Variants in ACYP2 observed in about 807,000 individuals in gnomAD.
ACYP2 encodes acylphosphatase-2.
Under a neutral mutation model 11.2 loss-of-function variants are expected in ACYP2, and 12 were observed. That is an observed-to-expected ratio of 1.08 (90% CI 0.69 to 1.74). The LOEUF is 1.74. ACYP2 is among the 40% of genes most tolerant of loss of function. The pLI is 0.00. For synonymous variants in ACYP2, 43 were observed against 32.2 expected (o/e 1.33, Z -1.13); for missense variants, 134 against 101.9 (o/e 1.31, Z -1.35).
intron 6 of ACYP2, among the ~76,000 whole-genome samples, chr2:54,304,122 T>A (rs1689827015): frequency 6.6e-6 from 1 of 152,164 alleles, no homozygotes. Flanking sequence ...AGTATTTGAA[T>A]AGATAAAAGT....
intron 4 of ACYP2, among the ~76,000 whole-genome samples, chr2:54,058,878 T>TG (rs939900765): frequency 1.3e-5 from 2 of 152,108 alleles, no homozygotes; most frequent in Non-Finnish European, 2.9e-5. Flanking sequence ...ATGTTTATCT[T>TG]GGGGCAGACA....
chr2:54,121,756 TA>T (rs1251929532), intron 4 of ACYP2, among the ~76,000 whole-genome samples: 4 of 152,256 alleles, frequency 2.6e-5, no homozygotes, highest in Non-Finnish European at 5.9e-5. Flanking sequence ...TTTATCCTTT[TA>T]ATCATTCTGC....
chr2:54,115,553 C>T, intron 4 of ACYP2, 62 bp from the exon 1 acceptor site: 4 of 1,521,024 alleles, frequency 2.6e-6, no homozygotes, highest in Non-Finnish European at 2.6e-6. Flanking sequence ...GCTTCCGACG[C>T]GTGACCCCGG....
intron 4 of ACYP2, among the ~76,000 whole-genome samples, chr2:54,117,314 T>G (rs967308303): frequency 2.0e-5 from 3 of 152,202 alleles, no homozygotes; most frequent in Admixed American, 2.0e-4. Flanking sequence ...TTTTAAGAGA[T>G]GGAGTCTTGC....
At chr2:54,270,010 G>T (rs1394341042) in intron 6 of ACYP2, among the ~76,000 whole-genome samples, 1 of 151,894 alleles carries the variant, frequency 6.6e-6, no homozygotes. Context: ...ATTTATTTAG[G>T]CATCTAATTT....
intron 2 of ACYP2, among the ~76,000 whole-genome samples, chr2:54,012,997 C>T (rs1039946941): frequency 2.0e-5 from 3 of 152,118 alleles, no homozygotes; most frequent in African/African-American, 7.2e-5. Flanking sequence ...TGCCAAGATG[C>T]TCTTACCTCA....
chr2:54,123,895 C>G lies in ACYP2; in HGVS notation c.278-11558C>G, dbSNP rs180807780. ...CGGCTTACATTTCATTGGCCATCCCCACTATAAGGAAGTCTGGGAAACATC... is the reference window on the plus strand; with the variant it reads ...CGGCTTACATTTCATTGGCCATCCCGACTATAAGGAAGTCTGGGAAACATC... On this transcript the variant is annotated intron_variant, in intron 4 of 6. Transcript: ENST00000607452. Among the ~76,000 whole-genome samples the G allele has an allele frequency of 1.1e-3, 173 of 152,310 alleles. 1 individual carries two copies. Among genetic ancestry groups the G allele is most frequent in the African/African-American group, 3.8e-3 (158 of 41,574 alleles).
At position 54,211,055 on chromosome 2, in the gene ACYP2, G is replaced by A. The variant is rs367831188; in HGVS notation, c.404+72307G>A. Among the ~76,000 whole-genome samples the A allele has an allele frequency of 9.2e-5, 14 of 152,042 alleles. No homozygotes were observed. In the South Asian group the frequency reaches 1.7e-3, roughly 18 times the overall value. Reference sequence around the variant, plus strand: ...ACAGATTTCCCTGAAGTCAACTGATGTAAACTCAATTGTACATACAAACGA... The same window carrying A: ...ACAGATTTCCCTGAAGTCAACTGATATAAACTCAATTGTACATACAAACGA... On this transcript the variant is annotated intron_variant, in intron 6 of 6. Coordinates refer to ENST00000607452, the MANE Select transcript of ACYP2 (RefSeq NM_001320586.2).
intron 4 of ACYP2, among the ~76,000 whole-genome samples, chr2:54,131,401 G>T (rs186479234): frequency 3.0e-4 from 46 of 152,302 alleles, no homozygotes; most frequent in Non-Finnish European, 1.8e-4. Context: ...AATGTTGAAA[G>T]GACGTTGCTC....
chr2:54,176,602 A>G (rs1042844836), intron 6 of ACYP2, among the ~76,000 whole-genome samples: 23 of 152,314 alleles, frequency 1.5e-4, no homozygotes, highest in African/African-American at 5.3e-4. Context: ...CTTATGTGTA[A>G]TTCTATCACC....
At chr2:54,276,804 G>A (rs527527867) in intron 6 of ACYP2, among the ~76,000 whole-genome samples, 34 of 152,062 alleles carry the variant, frequency 2.2e-4, no homozygotes, top group African/African-American at 7.2e-4. Context: ...CTTATTTCAC[G>A]GGGTAACCAC....
intron 4 of ACYP2, among the ~76,000 whole-genome samples, chr2:54,071,963 A>C (rs947155459): frequency 6.6e-6 from 1 of 152,160 alleles, no homozygotes; most frequent in African/African-American, 2.4e-5. Context: ...GTGAGCTGAG[A>C]TCGCACCACT....
intron 6 of ACYP2, among the ~76,000 whole-genome samples, chr2:54,207,173 A>ATTTGTGTG (rs1685108257): frequency 7.2e-6 from 1 of 138,650 alleles, no homozygotes; most frequent in African/African-American, 2.7e-5. Context: ...CAACATGTAT[A>ATTTGTGTG]TGTGTGTGTG....
intron 6 of ACYP2, among the ~76,000 whole-genome samples, chr2:54,201,608 C>CTTTG (rs551511188): frequency 1.3e-4 from 10 of 79,858 alleles, no homozygotes; most frequent in African/African-American, 3.9e-4. Flanking sequence ...TTCTTTCTTT[C>CTTTG]TTTCTTTCTT....
chr2:54,111,593 C>T (rs1200338135), intron 4 of ACYP2, among the ~76,000 whole-genome samples: 1 of 152,230 alleles, frequency 6.6e-6, no homozygotes, highest in Non-Finnish European at 1.5e-5. Flanking sequence ...ATTAAAGCCT[C>T]TTCTGGGAAA....
chr2:54,147,339 A>G (rs555257858), intron 6 of ACYP2, among the ~76,000 whole-genome samples: 2 of 152,174 alleles, frequency 1.3e-5, no homozygotes, highest in South Asian at 4.1e-4. Flanking sequence ...GGGAACTGGC[A>G]TTTTTGTTAG....
rs139120897 is a variant in ACYP2, at chr2:54,138,701, C to T, written c.357C>T (p.Gly119=). 3.4e-5 allele frequency: 55 copies of T among 1,613,972 alleles called. No homozygotes were observed. The African/African-American group carries it at 5.2e-4, about 15-fold the overall frequency. ...GCTGGGTGAAGAATACCAGCAAAGG[C>T]ACCGTGACAGGCCAAGTGCAGGGGC... The change falls in exon 6 of 7, where the codon GGC becomes GGT. Residue 119 remains glycine, a synonymous_variant. Coordinates refer to ENST00000607452, the MANE Select transcript of ACYP2 (RefSeq NM_001320586.2).
chr2:54,019,609 T>TTTA (rs141725920), intron 2 of ACYP2, among the ~76,000 whole-genome samples: 28,900 of 148,484 alleles, frequency 0.19, 2,862 homozygotes, highest in South Asian at 0.23. Flanking sequence ...CCCCTGTGCT[T>TTTA]TTATTATTAT....
chr2:54,007,977 T>G (rs552198122), intron 2 of ACYP2, among the ~76,000 whole-genome samples: 2 of 152,208 alleles, frequency 1.3e-5, no homozygotes, highest in East Asian at 3.8e-4. Flanking sequence ...CTTCCCAAAG[T>G]TAGCTCGGCC....
Sources: allele counts gnomAD v4.1 joint callset (sites outside exome capture counted in the v4.1 genomes callset), GRCh38; gene constraint gnomAD v4.1.1; transcripts MANE v1.5; gene names NCBI Gene and HGNC (gene_info 2026-07-23, HGNC 2026-07-21).